The following PACS1 variants were observed in gnomAD, a reference collection of about 807,000 sequenced individuals.
PACS1 encodes PACS-1.
Under a neutral mutation model 115.0 loss-of-function variants are expected in PACS1, and 24 were observed. That is an observed-to-expected ratio of 0.21 (90% CI 0.15 to 0.29). The LOEUF is 0.29. Among genes scored for constraint, PACS1 ranks in the 10% least tolerant of loss-of-function variants. PACS1 has a pLI of 1.00. For missense variants in PACS1, 838 were observed against 1,251.2 expected, an observed-to-expected ratio of 0.67 and a Z score of 4.98; for synonymous variants, 453 against 504.5, an observed-to-expected ratio of 0.90 and a Z score of 1.37.
Position 66,070,555 on chromosome 11 carries a change from C to T in PACS1, c.69C>T (p.Ser23=), listed in dbSNP as rs1457936464. Residue 23 remains serine, a synonymous_variant, in exon 1 of 24, where the codon TCC becomes TCT. Transcript: ENST00000320580. This position sits in a 1 kb window ranked among gnomAD's most constrained non-coding sequence, Gnocchi z 5.9. ...GGGGCGGCAGCGGCCAGCGGGGATC[C>T]GGGGTCGCCCAGTCCCCTCAGCAGC... is the stretch of plus-strand genomic sequence containing the variant. ...GAGGGSGQRG[S]GVAQSPQQPP... The T allele has an allele frequency of 4.9e-6, 7 of 1,419,652 alleles. No homozygotes were observed. The Admixed American group carries it at 9.3e-5, about 19-fold the overall frequency. The allele number at this position is 1,419,652 out of a possible 1,614,324, so 87.9% of individuals were successfully genotyped here.
intron 10 of PACS1, among the ~76,000 whole-genome samples, chr11:66,224,138 T>C (rs1288749725): frequency 6.8e-6 from 1 of 148,128 alleles, no homozygotes; most frequent in African/African-American, 2.5e-5. Flanking sequence ...AGAGGTTGCA[T>C]TGAGCCAAGA....
At chr11:66,079,351 TAAA>T (rs35212412) in intron 1 of PACS1, among the ~76,000 whole-genome samples, 27,849 of 131,404 alleles carry the variant, frequency 0.21, 3,437 homozygotes, top group Admixed American at 0.34. Context: ...AAGGTCTGGG[TAAA>T]AAAAAAAAAA....
In PACS1 at chr11:66,235,653, C is replaced by T; in HGVS notation, c.2208-245C>T. The T allele has an allele frequency of 1.6e-6, 1 of 608,180 alleles. No individual in the cohort carries two copies. Among genetic ancestry groups the T allele is most frequent in the African/African-American group, 1.8e-5 (1 of 54,124 alleles). 37.7% of individuals were successfully genotyped at this position (608,180 alleles called of 1,614,324 possible). On this transcript the variant is annotated intron_variant, in intron 18 of 23. Transcript: ENST00000320580. This position sits in a 1 kb window ranked among gnomAD's most constrained non-coding sequence, Gnocchi z 5.6. ...AGTATAAAGCAGCCCATCCTCATAGCTGGAACTCAGACGTGGGAAGCAGGG... is the reference window on the plus strand; with the variant it reads ...AGTATAAAGCAGCCCATCCTCATAGTTGGAACTCAGACGTGGGAAGCAGGG...
At chr11:66,111,450 T>G (rs771583673) in intron 1 of PACS1, among the ~76,000 whole-genome samples, 6 of 152,220 alleles carry the variant, frequency 3.9e-5, no homozygotes, top group African/African-American at 1.4e-4. Context: ...TCCAGACTTA[T>G]GTATCCAAGT....
At chr11:66,100,778 C>G (rs1419741881) in intron 1 of PACS1, 1 of 456,276 alleles carries the variant, frequency 2.2e-6, no homozygotes, top group South Asian at 1.5e-5. Flanking sequence ...CGTGTGATGT[C>G]TGGCAGCTGA....
intron 1 of PACS1, among the ~76,000 whole-genome samples, chr11:66,113,524 G>C (rs183355775): frequency 1.3e-5 from 2 of 152,094 alleles, no homozygotes; most frequent in Admixed American, 6.6e-5. Flanking sequence ...CTTTTACAAC[G>C]TAACAAGCAA....
At position 66,193,555 on chromosome 11, in the gene PACS1, C is replaced by T. The variant is rs1216541327; in HGVS notation, c.426C>T (p.Val142=). Residue 142 remains valine, a synonymous_variant, in exon 2 of 24, where the codon GTC becomes GTT. Coordinates refer to ENST00000320580, the MANE Select transcript of PACS1 (RefSeq NM_018026.4). The part of the protein sequence containing the change: ...KEMDKDLNSV[V]IAVKLQGSKR... ...TGGACAAAGATCTTAACTCAGTGGT[C>T]ATCGCTGTGAAGCTGCAGGTGAGTG... 1 of 1,613,272 alleles carries T rather than the reference C, an allele frequency of 6.2e-7. No individual in the cohort carries two copies. Among genetic ancestry groups the T allele is most frequent in the Non-Finnish European group, 8.5e-7 (1 of 1,179,298 alleles).
At chr11:66,165,921 T>C (rs182722419) in intron 1 of PACS1, among the ~76,000 whole-genome samples, 2 of 152,262 alleles carry the variant, frequency 1.3e-5, no homozygotes, top group African/African-American at 4.8e-5. Context: ...AACAAACTTC[T>C]TCCTGCCTTT....
chr11:66,100,037 C>T (rs1006117988), intron 1 of PACS1, among the ~76,000 whole-genome samples: 2 of 152,030 alleles, frequency 1.3e-5, no homozygotes, highest in South Asian at 2.1e-4. Context: ...TCCGCCAGCA[C>T]ACCCAGCTAA....
At chr11:66,238,877 T>C in intron 20 of PACS1, 31 bp downstream of exon 20, 1 of 1,552,420 alleles carries the variant, frequency 6.4e-7, no homozygotes, top group Non-Finnish European at 8.7e-7. Flanking sequence ...TTCTGTGGAG[T>C]GAGGCTGGTG....
chr11:66,137,030 C>G (rs1056869064), intron 1 of PACS1, among the ~76,000 whole-genome samples: 10 of 149,562 alleles, frequency 6.7e-5, no homozygotes, highest in Middle Eastern at 3.4e-3. Flanking sequence ...TTGCCCCCCC[C>G]CCCACCATTT....
chr11:66,147,069 C>T (rs1422575740), intron 1 of PACS1, among the ~76,000 whole-genome samples: 1 of 151,890 alleles, frequency 6.6e-6, no homozygotes, highest in Non-Finnish European at 1.5e-5. Flanking sequence ...TAAAAACAGA[C>T]AAAGACAAAA....
chr11:66,092,178 C>CA (rs1425626378), intron 1 of PACS1, among the ~76,000 whole-genome samples: 1 of 152,094 alleles, frequency 6.6e-6, no homozygotes, highest in Non-Finnish European at 1.5e-5. Context: ...TCCTCTCCAG[C>CA]ACCTGTTGTT....
At chr11:66,214,558 C>T (rs1341676241) in intron 4 of PACS1, among the ~76,000 whole-genome samples, 6 of 148,390 alleles carry the variant, frequency 4.0e-5, no homozygotes, top group Non-Finnish European at 7.5e-5. Flanking sequence ...TCCCTCCCTC[C>T]ATCTTCCTTC....
At position 66,144,827 on chromosome 11, in the gene PACS1, G is replaced by T. The variant is rs569098284; in HGVS notation, c.357-48659G>T. Reference sequence around the variant, plus strand: ...TTTTTGTATTTTTAGTAGAGATAGGGTTTCACCATGTTGGCCAGGCTGGTC... The same window carrying T: ...TTTTTGTATTTTTAGTAGAGATAGGTTTTCACCATGTTGGCCAGGCTGGTC... On this transcript the variant is annotated intron_variant, in intron 1 of 23. Coordinates refer to ENST00000320580, the MANE Select transcript of PACS1 (RefSeq NM_018026.4). Among the ~76,000 whole-genome samples, 16 of 152,198 alleles carry T rather than the reference G, an allele frequency of 1.1e-4. 1 individual carries two copies. In the South Asian group the frequency reaches 3.1e-3, roughly 30 times the overall value.
intron 4 of PACS1, among the ~76,000 whole-genome samples, chr11:66,214,156 T>G (rs1855143895): frequency 6.6e-6 from 1 of 151,258 alleles, no homozygotes; most frequent in South Asian, 2.1e-4. Context: ...CAGCCGCTAA[T>G]CTGTTTTTAA....
intron 1 of PACS1, among the ~76,000 whole-genome samples, chr11:66,076,132 T>C (rs919142664): frequency 3.9e-5 from 6 of 152,244 alleles, no homozygotes; most frequent in Non-Finnish European, 8.8e-5. Context: ...AGGGTAATAG[T>C]ATCCATCGTC....
intron 10 of PACS1, among the ~76,000 whole-genome samples, chr11:66,225,557 A>T (rs1444259108): frequency 6.6e-6 from 1 of 152,358 alleles, no homozygotes; most frequent in Admixed American, 6.5e-5. Flanking sequence ...ATCATTTCAC[A>T]GTGTATCCAT....
Position 66,070,420 on chromosome 11 carries a change from C to T in PACS1, c.-67C>T. The T allele has an allele frequency of 9.7e-7, 1 of 1,034,174 alleles. No individual in the cohort carries two copies. The highest frequency in any genetic ancestry group is 1.2e-6 in the Non-Finnish European group (1 of 817,608). The allele number at this position is 1,034,174 out of a possible 1,614,324, so 64.1% of individuals were successfully genotyped here. ...GGCTGCCGCGCCCCCGCCGCCGCCG[C>T]CGCGGGGGAAGCCTGGGAGCCAGAT... On this transcript the variant is annotated 5_prime_UTR_variant, in exon 1 of 24. Coordinates refer to ENST00000320580, the MANE Select transcript of PACS1 (RefSeq NM_018026.4). The surrounding 1 kb of genome is among the most constrained non-coding windows in gnomAD (Gnocchi z 5.9).
Sources: allele counts gnomAD v4.1 joint callset (sites outside exome capture counted in the v4.1 genomes callset), GRCh38; gene constraint gnomAD v4.1.1; non-coding constraint Gnocchi (gnomAD v3.1); transcripts MANE v1.5; gene names NCBI Gene and HGNC (gene_info 2026-07-23, HGNC 2026-07-21).